The following CIRSR variants were observed in gnomAD, a reference collection of about 807,000 sequenced individuals.
CIRSR encodes CBF1 (RBPJ) interacting corepressor 1.
At chr2:174,395,174 G>A in the CIRSR span, among the ~76,000 whole-genome samples, 1 of 152,196 alleles carries the variant, frequency 6.6e-6, no homozygotes, top group African/African-American at 2.4e-5. Flanking sequence ...TCTATCTTAA[G>A]TAAACGGGGA....
At chr2:174,355,372 G>A in the CIRSR span, among the ~76,000 whole-genome samples, 3 of 152,146 alleles carry the variant, frequency 2.0e-5, no homozygotes, top group East Asian at 5.8e-4. Context: ...AGAGAATTCA[G>A]AAAGAAGGCA....
chr2:174,357,290 T>C, the CIRSR span, among the ~76,000 whole-genome samples: 1 of 152,308 alleles, frequency 6.6e-6, no homozygotes, highest in South Asian at 2.1e-4. Context: ...AGGCTTATTA[T>C]TAAATTATTT....
At chr2:174,367,843 T>C in the CIRSR span, among the ~76,000 whole-genome samples, 307 of 147,846 alleles carry the variant, frequency 2.1e-3, 1 homozygote, top group African/African-American at 7.1e-3. Context: ...AGAAACCTAC[T>C]TTAGAAATAA....
chr2:174,395,640 G>A, the CIRSR span: 4 of 1,614,180 alleles, frequency 2.5e-6, no homozygotes, highest in Non-Finnish European at 3.4e-6. Flanking sequence ...CTGGAACTAG[G>A]GAAAGCAGGG....
chr2:174,385,215 C>CAAAAA, the CIRSR span, among the ~76,000 whole-genome samples: 1 of 94,116 alleles, frequency 1.1e-5, no homozygotes, highest in Non-Finnish European at 2.1e-5. Flanking sequence ...ACCTTCCTCT[C>CAAAAA]AAAAAAAAAA....
the CIRSR span, among the ~76,000 whole-genome samples, chr2:174,376,557 G>A: frequency 6.7e-6 from 1 of 150,106 alleles, no homozygotes. Context: ...CAGGACTTTG[G>A]GAGGCCGAGG....
At chr2:174,382,371 G>C in the CIRSR span, among the ~76,000 whole-genome samples, 1 of 152,138 alleles carries the variant, frequency 6.6e-6, no homozygotes, top group Non-Finnish European at 1.5e-5. Flanking sequence ...GGGCACAGTG[G>C]CTCACACCTG....
chr2:174,384,191 A>G, the CIRSR span, among the ~76,000 whole-genome samples: 1 of 152,264 alleles, frequency 6.6e-6, no homozygotes, highest in African/African-American at 2.4e-5. Context: ...ATTCAGCCAC[A>G]AAAAGGAATA....
At chr2:174,382,325 G>C in the CIRSR span, among the ~76,000 whole-genome samples, 11 of 152,120 alleles carry the variant, frequency 7.2e-5, no homozygotes, top group East Asian at 1.9e-3. Flanking sequence ...AAATTCTTTC[G>C]TGAGGCCAGT....
At chr2:174,365,407 CCCAGTT>C in the CIRSR span, among the ~76,000 whole-genome samples, 1 of 152,194 alleles carries the variant, frequency 6.6e-6, no homozygotes, top group Admixed American at 6.5e-5. Flanking sequence ...TCTGCTGTTA[CCCAGTT>C]CCAAAGTTGC....
At chr2:174,352,658 T>C in the CIRSR span, among the ~76,000 whole-genome samples, 1 of 152,206 alleles carries the variant, frequency 6.6e-6, no homozygotes, top group Non-Finnish European at 1.5e-5. Context: ...GAGACTCTTA[T>C]CTCATTTTGT....
chr2:174,354,401 T>A, the CIRSR span, among the ~76,000 whole-genome samples: 14 of 102,542 alleles, frequency 1.4e-4, no homozygotes, highest in Non-Finnish European at 2.0e-4. Context: ...ACATATATAT[T>A]TTATATATTA....
the CIRSR span, chr2:174,395,628 A>C: frequency 6.2e-7 from 1 of 1,614,168 alleles, no homozygotes; most frequent in South Asian, 1.1e-5. Flanking sequence ...CCCATCTTGG[A>C]ACTGGAACTA....
the CIRSR span, among the ~76,000 whole-genome samples, chr2:174,350,142 C>T: frequency 2.7e-5 from 4 of 149,890 alleles, no homozygotes; most frequent in African/African-American, 9.7e-5. Flanking sequence ...AAATAAGTCT[C>T]TAGGTTCTGT....
At chr2:174,387,958 G>A in the CIRSR span, among the ~76,000 whole-genome samples, 1 of 152,090 alleles carries the variant, frequency 6.6e-6, no homozygotes, top group Middle Eastern at 3.4e-3. Context: ...AATTGTCTTG[G>A]GCCACACAAA....
the CIRSR span, among the ~76,000 whole-genome samples, chr2:174,378,392 C>G: frequency 6.6e-6 from 1 of 152,176 alleles, no homozygotes; most frequent in South Asian, 2.1e-4. Flanking sequence ...GTTAAAACTT[C>G]TCAGTTTAAT....
chr2:174,389,435 C>T, the CIRSR span, among the ~76,000 whole-genome samples: 1 of 152,180 alleles, frequency 6.6e-6, no homozygotes, highest in Non-Finnish European at 1.5e-5. Context: ...CCCCAGAGAT[C>T]TGTGGAACTT....
the CIRSR span, among the ~76,000 whole-genome samples, chr2:174,349,965 TA>T: frequency 6.6e-6 from 1 of 152,184 alleles, no homozygotes; most frequent in Non-Finnish European, 1.5e-5. Flanking sequence ...GAGTACACAT[TA>T]AACTTCTGAA....
the CIRSR span, chr2:174,387,645 T>C: frequency 3.2e-6 from 5 of 1,542,304 alleles, no homozygotes; most frequent in South Asian, 1.2e-5. Context: ...TCCCATGAAA[T>C]TGATAATTCT....
Sources: allele counts gnomAD v4.1 joint callset (sites outside exome capture counted in the v4.1 genomes callset), GRCh38; gene constraint gnomAD v4.1.1; transcripts MANE v1.5; gene names NCBI Gene and HGNC (gene_info 2026-07-23, HGNC 2026-07-21).